Variants in ZC3H18 observed in about 807,000 individuals in gnomAD.
The protein encoded by ZC3H18 is zinc finger CCCH domain-containing protein 18.
ZC3H18 carries 8 observed loss-of-function variants against 106.1 expected under a neutral mutation model. The ratio of observed to expected loss-of-function variants is 0.08; its 90% CI spans 0.04 to 0.14. The LOEUF (loss-of-function observed/expected upper bound fraction) is 0.14, where lower values mean the gene tolerates loss of function less well. Ranked by LOEUF, ZC3H18 falls within the 10% of genes least tolerant of loss-of-function variation. The pLI, the probability that ZC3H18 is intolerant of heterozygous loss-of-function variation, is 1.00. For missense variants in ZC3H18, 1,318 were observed against 1,278.4 expected (o/e 1.03, Z -0.47); for synonymous variants, 635 against 522.1 (o/e 1.22, Z -2.95).
intron 7 of ZC3H18, among the ~76,000 whole-genome samples, chr16:88,610,854 C>T (rs1451467373): frequency 6.6e-6 from 1 of 152,242 alleles, no homozygotes; most frequent in Non-Finnish European, 1.5e-5. Context: ...TTGCCCAGGC[C>T]ACACGGCGGA....
intron 15 of ZC3H18, 25 bp downstream of exon 15, chr16:88,628,144 G>T: frequency 6.2e-7 from 1 of 1,608,114 alleles, no homozygotes; most frequent in African/African-American, 1.3e-5. Context: ...CCTCCTGGTG[G>T]CTGCCCCAGC....
chr16:88,624,119 C>G, intron 11 of ZC3H18, 57 bp downstream of exon 11: 2 of 1,592,100 alleles, frequency 1.3e-6, no homozygotes, highest in Non-Finnish European at 1.7e-6. Context: ...AGGCTGCAGC[C>G]TCCTCCCTCC....
In ZC3H18 at chr16:88,622,350, A is replaced by G. The variant is rs1438220981; in HGVS notation, c.1629A>G (p.Lys543=). Residue 543 remains lysine, a synonymous_variant, in exon 9 of 18, where the codon AAA becomes AAG. Transcript: ENST00000301011. The part of the protein sequence containing the change: ...VSPSRARRRR[K]TSASSASASN... ...CGAGCCGGGCTCGAAGGCGTCGGAA[A>G]ACATCAGCCTCGTCAGCCTCTGCCT... 1 of 1,613,260 alleles carries G rather than the reference A, an allele frequency of 6.2e-7. No homozygotes were observed. Among genetic ancestry groups the G allele is most frequent in the Non-Finnish European group, 8.5e-7 (1 of 1,179,610 alleles).
chr16:88,596,351 A>G (rs985769942), intron 3 of ZC3H18, among the ~76,000 whole-genome samples: 7 of 152,158 alleles, frequency 4.6e-5, no homozygotes, highest in Non-Finnish European at 1.5e-5. Context: ...GATGAAAAAG[A>G]AGTACAGAGG....
chr16:88,623,069 G>T lies in ZC3H18; in HGVS notation c.1668-150G>T, dbSNP rs72809485. ...TGGGGGAGGCTGTATGCGTCTGTGC[G>T]CGCGTCTGCAGCTGTGCGCGCGTGC... On this transcript the variant is annotated intron_variant, in intron 9 of 17. Transcript: ENST00000301011. The T allele has an allele frequency of 0.069, 76,267 of 1,106,584 alleles. 3,117 individuals carry two copies. Among genetic ancestry groups the T allele is most frequent in the South Asian group, 0.084 (5,386 of 64,016 alleles). The allele number at this position is 1,106,584 out of a possible 1,614,324, so 68.5% of individuals were successfully genotyped here.
intron 1 of ZC3H18, among the ~76,000 whole-genome samples, chr16:88,574,534 GT>G (rs1308836641): frequency 6.6e-6 from 1 of 150,782 alleles, no homozygotes; most frequent in Non-Finnish European, 1.5e-5. Flanking sequence ...TGGCTTTTTT[GT>G]TTTTTGTTTG....
intron 1 of ZC3H18, among the ~76,000 whole-genome samples, chr16:88,575,940 G>A (rs774306512): frequency 9.2e-5 from 14 of 152,150 alleles, no homozygotes; most frequent in African/African-American, 1.4e-4. Flanking sequence ...TCACTCTGTC[G>A]CCCAGGCTGG....
At chr16:88,584,655 T>C (rs1915332265) in intron 2 of ZC3H18, among the ~76,000 whole-genome samples, 1 of 152,188 alleles carries the variant, frequency 6.6e-6, no homozygotes, top group African/African-American at 2.4e-5. Flanking sequence ...TGCTAGTCTG[T>C]GTTCTTTGGG....
At chr16:88,598,512 C>T (rs1335067431) in intron 4 of ZC3H18, 108 bp from the exon 5 acceptor site, 13 of 1,408,076 alleles carry the variant, frequency 9.2e-6, no homozygotes, top group East Asian at 7.3e-5. Flanking sequence ...GGAAGGAGAG[C>T]GGCCACACAC....
intron 1 of ZC3H18, among the ~76,000 whole-genome samples, chr16:88,571,347 C>T (rs2142503630): frequency 6.6e-6 from 1 of 152,330 alleles, no homozygotes; most frequent in East Asian, 1.9e-4. Context: ...GAGTGTTTGG[C>T]ATCTGAAGTA....
chr16:88,581,786 A>G (rs1301228541), intron 2 of ZC3H18, among the ~76,000 whole-genome samples: 1 of 152,120 alleles, frequency 6.6e-6, no homozygotes, highest in African/African-American at 2.4e-5. Context: ...TTTCTCCTGC[A>G]CGTCTAGTCT....
At chr16:88,624,307 A>G in intron 11 of ZC3H18, 1 of 658,560 alleles carries the variant, frequency 1.5e-6, no homozygotes, top group Non-Finnish European at 2.6e-6. Context: ...GGGACACGGC[A>G]GCAGCCGGGT....
intron 6 of ZC3H18, among the ~76,000 whole-genome samples, chr16:88,600,342 C>T (rs1189292351): frequency 6.6e-6 from 1 of 152,218 alleles, no homozygotes; most frequent in African/African-American, 2.4e-5. Flanking sequence ...ACAACAGCTG[C>T]GGCCTCTTCG....
In ZC3H18 at chr16:88,612,469, G is replaced by A. The variant is rs60132553; in HGVS notation, c.1475+933G>A. Among the ~76,000 whole-genome samples, 667 of 149,362 alleles carry A rather than the reference G, an allele frequency of 4.5e-3. 8 individuals carry two copies. Among genetic ancestry groups the A allele is most frequent in the African/African-American group, 0.016 (637 of 40,334 alleles). On this transcript the variant is annotated intron_variant, in intron 8 of 17. Transcript: ENST00000301011. Reference sequence around the variant, plus strand: ...GCTTGAAGCCAGGAGTTTGAGACCAGCCTGGGTAGCAAAGCAAGACTCCAT... The same window carrying A: ...GCTTGAAGCCAGGAGTTTGAGACCAACCTGGGTAGCAAAGCAAGACTCCAT...
intron 3 of ZC3H18, among the ~76,000 whole-genome samples, chr16:88,593,833 C>T (rs1225372046): frequency 1.3e-5 from 2 of 152,196 alleles, no homozygotes; most frequent in East Asian, 3.8e-4. Flanking sequence ...CTTTTGTGTG[C>T]TCACCAGCTT....
At chr16:88,584,619 C>T (rs1474627680) in intron 2 of ZC3H18, among the ~76,000 whole-genome samples, 1 of 152,076 alleles carries the variant, frequency 6.6e-6, no homozygotes, top group African/African-American at 2.4e-5. Flanking sequence ...GGTGTAGAGG[C>T]TGGGTGACTG....
intron 2 of ZC3H18, among the ~76,000 whole-genome samples, chr16:88,578,799 T>G (rs546584509): frequency 8.7e-4 from 132 of 152,276 alleles, no homozygotes; most frequent in Non-Finnish European, 1.6e-3. Context: ...CAGGCAATTA[T>G]CCTGCCTCAG....
At chr16:88,576,835 A>G (rs1389734952) in intron 1 of ZC3H18, among the ~76,000 whole-genome samples, 1 of 152,140 alleles carries the variant, frequency 6.6e-6, no homozygotes, top group Non-Finnish European at 1.5e-5. Context: ...TTGAGCGGGG[A>G]AGGGCTAGGC....
At chr16:88,625,116 C>A in intron 12 of ZC3H18, 86 bp from the exon 13 acceptor site, 3 of 1,486,888 alleles carry the variant, frequency 2.0e-6, no homozygotes, top group South Asian at 2.4e-5. Flanking sequence ...TGGAGGCTCA[C>A]CTCACAGGGC....
Sources: allele counts gnomAD v4.1 joint callset (sites outside exome capture counted in the v4.1 genomes callset), GRCh38; gene constraint gnomAD v4.1.1; transcripts MANE v1.5; gene names NCBI Gene and HGNC (gene_info 2026-07-23, HGNC 2026-07-21).